Variants in FGF13 observed in about 807,000 individuals in gnomAD.
FGF13 encodes the protein fibroblast growth factor homologous factor 2.
In FGF13, 2 loss-of-function variants were observed where a neutral mutation model predicts 19.5. The observed-to-expected ratio is 0.10, with a 90% CI of 0.04 to 0.32. FGF13 has a LOEUF of 0.32. Among genes scored for constraint, FGF13 ranks in the 10% least tolerant of loss-of-function variants. The pLI is 1.00. For missense variants in FGF13, 113 were observed against 192.7 expected (o/e 0.59, Z 2.45); for synonymous variants, 72 against 76.9 (o/e 0.94, Z 0.33).
intron 1 of FGF13, among the ~76,000 whole-genome samples, chrX:138,888,815 G>A (rs773511001): frequency 1.8e-4 from 20 of 111,437 alleles, no homozygotes; most frequent in African/African-American, 4.9e-4. Context: ...TCATGCCTAC[G>A]TTCCAAATGA....
At chrX:138,832,715 C>A (rs2091082991) in intron 3 of FGF13, among the ~76,000 whole-genome samples, 2 of 112,011 alleles carry the variant, frequency 1.8e-5, no homozygotes, top group South Asian at 7.4e-4. Flanking sequence ...CTTTTGGCAT[C>A]TTCATAATAA....
At chrX:138,820,528 T>C (rs986936939) in intron 3 of FGF13, among the ~76,000 whole-genome samples, 4 of 111,833 alleles carry the variant, frequency 3.6e-5, no homozygotes, top group East Asian at 5.6e-4. Context: ...ATAGATAATA[T>C]GTAAATGAAT....
chrX:138,777,608 G>A (rs1863386307), intron 3 of FGF13, among the ~76,000 whole-genome samples: 1 of 111,811 alleles, frequency 8.9e-6, no homozygotes, highest in African/African-American at 3.3e-5. Context: ...GTGGGCCTGG[G>A]AAAACCCTGT....
intron 1 of FGF13, among the ~76,000 whole-genome samples, chrX:139,117,264 T>C (rs1286825127): frequency 9.0e-6 from 1 of 111,298 alleles, no homozygotes; most frequent in East Asian, 2.8e-4. Flanking sequence ...GAGGCCAGGA[T>C]TACTGCTAAC....
chrX:138,997,568 GAAGA>G (rs2092049232), intron 1 of FGF13, among the ~76,000 whole-genome samples: 1 of 111,536 alleles, frequency 9.0e-6, no homozygotes, highest in Non-Finnish European at 1.9e-5. Context: ...CGATCAAGTG[GAAGA>G]AAGGGTATCA....
At chrX:139,199,170 G>A (rs759354467) in intron 1 of FGF13, among the ~76,000 whole-genome samples, 1 of 112,379 alleles carries the variant, frequency 8.9e-6, no homozygotes, top group South Asian at 3.7e-4. Flanking sequence ...AATGAGTTAT[G>A]CAGACATTTG....
At chrX:139,094,957 G>T (rs987344384) in intron 1 of FGF13, among the ~76,000 whole-genome samples, 1 of 112,576 alleles carries the variant, frequency 8.9e-6, no homozygotes, top group African/African-American at 3.2e-5. Flanking sequence ...TGCTCTCCTA[G>T]CCAGCAGAGC....
At chrX:138,831,686 T>C (rs2091074460) in intron 3 of FGF13, among the ~76,000 whole-genome samples, 1 of 111,144 alleles carries the variant, frequency 9.0e-6, no homozygotes, top group African/African-American at 3.3e-5. Context: ...TTTTTTTAAC[T>C]TTTATTTTAA....
At chrX:139,165,135 T>C (rs2084071585) in intron 1 of FGF13, among the ~76,000 whole-genome samples, 1 of 112,234 alleles carries the variant, frequency 8.9e-6, no homozygotes, top group Non-Finnish European at 1.9e-5. Flanking sequence ...TTGGAAACTG[T>C]AGTAAATGGC....
intron 1 of FGF13, among the ~76,000 whole-genome samples, chrX:139,119,765 G>A (rs745488792): frequency 3.6e-5 from 4 of 112,453 alleles, no homozygotes; most frequent in Middle Eastern, 4.6e-3. Flanking sequence ...CTTCCATAAA[G>A]CAGGCACTCT....
intron 3 of FGF13, among the ~76,000 whole-genome samples, chrX:138,763,032 T>G: frequency 9.0e-6 from 1 of 111,225 alleles, no homozygotes; most frequent in Admixed American, 9.6e-5. Flanking sequence ...GTTTTGTTTT[T>G]ACCATACTTG....
chrX:138,918,237 T>C (rs796572970), intron 1 of FGF13, among the ~76,000 whole-genome samples: 1 of 111,556 alleles, frequency 9.0e-6, no homozygotes, highest in Non-Finnish European at 1.9e-5. Flanking sequence ...CTTTTGACAC[T>C]GAGCCTTGTT....
chrX:138,746,871 A>T (rs1411377876), intron 3 of FGF13, among the ~76,000 whole-genome samples: 2 of 112,110 alleles, frequency 1.8e-5, no homozygotes, highest in Non-Finnish European at 3.8e-5. Context: ...TGGCCAGGCA[A>T]ATTAGCCTTT....
chrX:139,188,327 G>A (rs1382081518), intron 1 of FGF13, among the ~76,000 whole-genome samples: 1 of 112,199 alleles, frequency 8.9e-6, no homozygotes, highest in Non-Finnish European at 1.9e-5. Flanking sequence ...GCCCACCAAT[G>A]GGAAATAATA....
At chrX:138,859,811 G>A (rs956989167) in intron 2 of FGF13, among the ~76,000 whole-genome samples, 4 of 112,376 alleles carry the variant, frequency 3.6e-5, no homozygotes, top group African/African-American at 1.3e-4. Flanking sequence ...GGTCATAAAA[G>A]TGCAGGATAA....
At chrX:138,650,474 T>G (rs1161395746) in intron 3 of FGF13, among the ~76,000 whole-genome samples, 1 of 111,771 alleles carries the variant, frequency 8.9e-6, no homozygotes, top group Non-Finnish European at 1.9e-5. Context: ...TACAAGAACA[T>G]ACAAGTCGTA....
At chrX:138,789,056 T>G (rs1343501986) in intron 3 of FGF13, among the ~76,000 whole-genome samples, 1 of 112,348 alleles carries the variant, frequency 8.9e-6, no homozygotes. Flanking sequence ...AAAAGGATCA[T>G]CTTTTCTTCA....
intron 1 of FGF13, among the ~76,000 whole-genome samples, chrX:138,916,508 T>C (rs183523023): frequency 8.9e-6 from 1 of 112,128 alleles, no homozygotes; most frequent in East Asian, 2.8e-4. Flanking sequence ...AAGGCCAGCT[T>C]TCAAGACATC....
chrX:138,902,043 A>G lies in FGF13; in HGVS notation c.-112-37393T>C, dbSNP rs142430287. 7.2e-3 allele frequency among the ~76,000 whole-genome samples: 807 copies of G among 112,446 alleles called. 6 individuals carry two copies. Among genetic ancestry groups the G allele is most frequent in the African/African-American group, 0.024 (758 of 31,017 alleles). On this transcript the variant is annotated intron_variant, in intron 1 of 2. Transcript: ENST00000421460. ...CTCTAAGTTCCTTACAAGTATTGGG[A>G]GGAGAGTAGAGAAACTGAATAGTTT...
Sources: gnomAD v4.1 joint callset for allele counts (sites outside exome capture counted in the v4.1 genomes callset) on GRCh38, gnomAD v4.1.1 for gene constraint, MANE v1.5 for transcripts, NCBI Gene and HGNC (gene_info 2026-07-23, HGNC 2026-07-21) for gene names.